The following IQANK1 variants were observed in gnomAD, a reference collection of about 807,000 sequenced individuals.
IQANK1 encodes IQ motif and ankyrin repeat containing 1, also known as IQ motif and ankyrin repeat domain-containing protein 1.
A neutral mutation model predicts 22.6 loss-of-function variants in IQANK1; 30 were observed. That is an observed-to-expected ratio of 1.33 (90% CI 0.99 to 1.80). The LOEUF (loss-of-function observed/expected upper bound fraction) is 1.80. Ranked by LOEUF, IQANK1 falls within the 40% of genes most tolerant of loss-of-function variation. The pLI is 0.00. For missense variants in IQANK1, 275 were observed against 235.2 expected, an observed-to-expected ratio of 1.17 and a Z score of -1.11; for synonymous variants, 122 against 99.6, an observed-to-expected ratio of 1.23 and a Z score of -1.34.
chr8:143,777,301 A>T (rs1819706473), intron 7 of IQANK1, among the ~76,000 whole-genome samples: 2 of 152,012 alleles, frequency 1.3e-5, no homozygotes, highest in South Asian at 4.2e-4. Context: ...AGATCACCTG[A>T]GGTCAGGAGT....
At chr8:143,734,892 A>G (rs1194803874) in intron 1 of IQANK1, among the ~76,000 whole-genome samples, 9 of 98,158 alleles carry the variant, frequency 9.2e-5, no homozygotes, top group Admixed American at 7.3e-4. Flanking sequence ...CCAGTCCCCC[A>G]GGTCCCCCTC....
intron 3 of IQANK1, 145 bp downstream of exon 3, chr8:143,740,093 C>G: frequency 1.9e-6 from 1 of 523,330 alleles, no homozygotes; most frequent in Non-Finnish European, 3.4e-6. Context: ...TGGGAGTGCG[C>G]GTGTACGCGC....
intron 3 of IQANK1, chr8:143,760,395 G>A (rs1415431478): frequency 6.6e-6 from 1 of 152,250 alleles, no homozygotes; most frequent in Non-Finnish European, 1.5e-5. Flanking sequence ...AAAATTGTAG[G>A]GCTTGCACGG....
intron 2 of IQANK1, among the ~76,000 whole-genome samples, chr8:143,739,175 A>G (rs7816354): frequency 1 from 151,591 of 152,302 alleles, 75,443 homozygotes; most frequent in Middle Eastern, 1. Context: ...TTGGGTCTCC[A>G]GGCTGGAGGT....
intron 7 of IQANK1, among the ~76,000 whole-genome samples, chr8:143,778,038 CA>C (rs1554630618): frequency 1.3e-5 from 2 of 151,844 alleles, no homozygotes; most frequent in Non-Finnish European, 2.9e-5. Context: ...ACTAAAAATA[CA>C]AAAAAATTAG....
At chr8:143,788,348 G>C (rs1819933655) in intron 7 of IQANK1, among the ~76,000 whole-genome samples, 1 of 152,252 alleles carries the variant, frequency 6.6e-6, no homozygotes, top group East Asian at 1.9e-4. Flanking sequence ...CCAGGCACAG[G>C]AAGTCAGGGA....
intron 3 of IQANK1, among the ~76,000 whole-genome samples, chr8:143,751,671 T>TATATATATATATATATAA (rs1819196302): frequency 7.4e-6 from 1 of 135,870 alleles, no homozygotes. Flanking sequence ...TGTGTATATA[T>TATATATATATATATATAA]ATATATAAAA....
chr8:143,761,273 C>T (rs1055950275), intron 3 of IQANK1, among the ~76,000 whole-genome samples: 6 of 152,188 alleles, frequency 3.9e-5, no homozygotes, highest in Non-Finnish European at 7.4e-5. Flanking sequence ...GCGGGACGGC[C>T]TCCCGTCTCC....
chr8:143,736,795 C>G (rs797035863), intron 2 of IQANK1, among the ~76,000 whole-genome samples: 21 of 152,230 alleles, frequency 1.4e-4, no homozygotes, highest in East Asian at 7.7e-4. Flanking sequence ...TACCCTCCCC[C>G]ACCCCAGCCC....
In IQANK1 at chr8:143,789,175, T is replaced by C; in HGVS notation, c.939-14T>C. ...TGGCGGAAGCCTCTGTCCCAGCTCA[T>C]TCCTGCTCCTTAGTATGACCCTCAA... On this transcript the variant is annotated splice_polypyrimidine_tract_variant and intron_variant, in intron 8 of 13. Coordinates refer to ENST00000527139, the MANE Select transcript of IQANK1 (RefSeq NM_001381874.1). 5.0e-6 allele frequency: 2 copies of C among 399,962 alleles called. No homozygotes were observed. Among genetic ancestry groups the C allele is most frequent in the East Asian group, 7.1e-5 (2 of 28,082 alleles). 24.8% of individuals were successfully genotyped at this position (399,962 alleles called of 1,614,324 possible). A position where few individuals can be genotyped will look rare whatever the true frequency, so the allele number is the denominator to read the frequency against.
intron 3 of IQANK1, among the ~76,000 whole-genome samples, chr8:143,761,923 T>C (rs1819404789): frequency 6.6e-6 from 1 of 151,942 alleles, no homozygotes; most frequent in African/African-American, 2.4e-5. Context: ...ATAGGACATA[T>C]ATAAAGGAGA....
intron 3 of IQANK1, among the ~76,000 whole-genome samples, chr8:143,748,804 T>TC (rs1819100751): frequency 8.7e-6 from 1 of 115,154 alleles, no homozygotes; most frequent in Non-Finnish European, 1.6e-5. Context: ...TATAAATATA[T>TC]ATCATATAAA....
chr8:143,790,410 G>A lies in IQANK1; in HGVS notation c.1485G>A (p.Arg495=). The A allele has an allele frequency of 1.3e-6, 1 of 751,238 alleles. No individual in the cohort carries two copies. Among genetic ancestry groups the A allele is most frequent in the Non-Finnish European group, 1.8e-6 (1 of 549,506 alleles). The allele number at this position is 751,238 out of a possible 1,614,324, so 46.5% of individuals were successfully genotyped here. The part of the protein sequence containing the change: ...REEDLFPVVQ[R]QLEAVQERYL... Reference sequence around the variant, plus strand: ...AAGACCTGTTCCCAGTCGTGCAGCGGCAGCTGGAGGCGGTGCAGGAGAGGT... The same window carrying A: ...AAGACCTGTTCCCAGTCGTGCAGCGACAGCTGGAGGCGGTGCAGGAGAGGT... The change falls in exon 14 of 14, where the codon CGG becomes CGA. Residue 495 remains arginine, a synonymous_variant. Coordinates refer to ENST00000527139, the MANE Select transcript of IQANK1 (RefSeq NM_001381874.1).
In IQANK1 at chr8:143,789,532, G is replaced by A; in HGVS notation, c.1086+4G>A. 2 of 1,232,160 alleles carry A rather than the reference G, an allele frequency of 1.6e-6. No homozygotes were observed. Among genetic ancestry groups the A allele is most frequent in the Non-Finnish European group, 2.0e-6 (2 of 988,108 alleles). 76.3% of individuals were successfully genotyped at this position (1,232,160 alleles called of 1,614,324 possible). On this transcript the variant is annotated splice_donor_region_variant and intron_variant, in intron 10 of 13. Coordinates refer to ENST00000527139, the MANE Select transcript of IQANK1 (RefSeq NM_001381874.1). The stretch of plus-strand genomic sequence containing the variant: ...CAAGACCAAGCTCACGCTGCAGGTG[G>A]GGGCCCGTGGTGGACTTGATATGCC...
In IQANK1 at chr8:143,772,483, G is replaced by A. The variant is rs1300905320; in HGVS notation, c.789+1G>A. Reference sequence around the variant, plus strand: ...AGAGGACGGGAGCACCCCTGAGCGGGTGTGGACCCCAGAGGTGTGGGCCCC... The same window carrying A: ...AGAGGACGGGAGCACCCCTGAGCGGATGTGGACCCCAGAGGTGTGGGCCCC... On this transcript the variant is annotated splice_donor_variant, in intron 7 of 13. Transcript: ENST00000527139. LOFTEE classifies it high-confidence loss of function. The A allele has an allele frequency of 1.0e-5, 4 of 398,996 alleles. No homozygotes were observed. The highest frequency in any genetic ancestry group is 8.8e-6 in the Non-Finnish European group (2 of 226,248). The allele number at this position is 398,996 out of a possible 1,614,324, so 24.7% of individuals were successfully genotyped here. A position where few individuals can be genotyped will look rare whatever the true frequency, so the allele number is the denominator to read the frequency against.
In IQANK1 at chr8:143,771,739, G is replaced by T; in HGVS notation, c.307-62G>T. 2.5e-6 allele frequency: 1 copy of T among 396,716 alleles called. No individual in the cohort carries two copies. Among genetic ancestry groups the T allele is most frequent in the Non-Finnish European group, 4.4e-6 (1 of 225,240 alleles). The allele number at this position is 396,716 out of a possible 1,614,324, so 24.6% of individuals were successfully genotyped here. A position where few individuals can be genotyped will look rare whatever the true frequency, so the allele number is the denominator to read the frequency against. ...GGCTCCGACCTCAGAGGCGTGGACC[G>T]TGGCCTCGGGGCTCGGGGCGGTGGC... On this transcript the variant is annotated intron_variant, in intron 4 of 13. Coordinates refer to ENST00000527139, the MANE Select transcript of IQANK1 (RefSeq NM_001381874.1). The surrounding 1 kb of genome is among the most constrained non-coding windows in gnomAD (Gnocchi z 6.0).
chr8:143,751,585 C>CTTTTTTTTTTTTTTTT (rs1563771485), intron 3 of IQANK1, among the ~76,000 whole-genome samples: 1 of 143,652 alleles, frequency 7.0e-6, no homozygotes, highest in African/African-American at 2.6e-5. Flanking sequence ...TCACTCCAGC[C>CTTTTTTTTTTTTTTTT]TGGGCAACAG....
At position 143,766,769 on chromosome 8, in the gene IQANK1, T is replaced by C. The variant is rs11986850; in HGVS notation, c.176-4719T>C. 9.7e-3 allele frequency among the ~76,000 whole-genome samples: 1,477 copies of C among 152,336 alleles called. 29 individuals carry two copies. Among genetic ancestry groups the C allele is most frequent in the African/African-American group, 0.033 (1,386 of 41,578 alleles). On this transcript the variant is annotated intron_variant, in intron 3 of 13. Transcript: ENST00000527139. ...TGAAATAAATCTTTCCAACTCCAAG[T>C]TCCTGAAGCTGTTCTCCCATGTGAT... is the stretch of plus-strand genomic sequence containing the variant.
At chr8:143,766,377 C>CTA (rs1172627976) in intron 3 of IQANK1, among the ~76,000 whole-genome samples, 3 of 152,092 alleles carry the variant, frequency 2.0e-5, no homozygotes, top group African/African-American at 2.4e-5. Context: ...GTGAATAGAA[C>CTA]TAACTGATTT....
Sources: gnomAD v4.1 joint callset for allele counts (sites outside exome capture counted in the v4.1 genomes callset) on GRCh38, gnomAD v4.1.1 for gene constraint, Gnocchi (gnomAD v3.1) non-coding constraint, MANE v1.5 for transcripts, NCBI Gene and HGNC (gene_info 2026-07-23, HGNC 2026-07-21) for gene names.